Variants in ACSBG2 observed in about 807,000 individuals in gnomAD.
ACSBG2 encodes acyl-CoA synthetase bubblegum family member 2.
ACSBG2 carries 62 observed loss-of-function variants against 74.7 expected under a neutral mutation model. The ratio of observed to expected loss-of-function variants is 0.83; its 90% CI spans 0.68 to 1.03. The LOEUF (loss-of-function observed/expected upper bound fraction) is 1.03. ACSBG2 is among the 50% of genes least tolerant of loss of function. ACSBG2 has a pLI of 0.00. For synonymous variants in ACSBG2, 309 were observed against 294.1 expected (o/e 1.05, Z -0.52); for missense variants, 730 against 817.6 (o/e 0.89, Z 1.31).
At chr19:6,146,212 G>A (rs1206078614) in intron 2 of ACSBG2, among the ~76,000 whole-genome samples, 1 of 152,218 alleles carries the variant, frequency 6.6e-6, no homozygotes, top group Non-Finnish European at 1.5e-5. Context: ...GCTCATGCCT[G>A]TAATCCCGGC....
chr19:6,136,610 G>A (rs1013200189), intron 1 of ACSBG2, among the ~76,000 whole-genome samples: 2 of 152,200 alleles, frequency 1.3e-5, no homozygotes, highest in Non-Finnish European at 2.9e-5. Context: ...CGATCCACCC[G>A]ACTCAGCCTC....
At chr19:6,169,290 T>A (rs2089900831) in intron 7 of ACSBG2, among the ~76,000 whole-genome samples, 1 of 152,166 alleles carries the variant, frequency 6.6e-6, no homozygotes, top group South Asian at 2.1e-4. Flanking sequence ...TTTCTTCTAG[T>A]TTCTTCATTC....
chr19:6,179,293 A>ATTTTTTTTTTTTTTTTTTTTTTT (rs1169472742), intron 8 of ACSBG2, among the ~76,000 whole-genome samples: 1 of 118,594 alleles, frequency 8.4e-6, no homozygotes, highest in African/African-American at 3.1e-5. Flanking sequence ...TCTTTTCTAA[A>ATTTTTTTTTTTTTTTTTTTTTTT]TTTTTTTTTT....
At position 6,147,081 on chromosome 19, in the gene ACSBG2, C is replaced by T. The variant is rs1184233377; in HGVS notation, c.68-365C>T. ...GTGCCAGTGCACTCCAGCCTGCTGA[C>T]AGAGCAAGACCGTGTCTCCAGAAAA... On this transcript the variant is annotated intron_variant, in intron 2 of 14. Coordinates refer to ENST00000588485, the MANE Select transcript of ACSBG2 (RefSeq NM_030924.5). Among the ~76,000 whole-genome samples the T allele has an allele frequency of 2.0e-5, 3 of 150,324 alleles. No homozygotes were observed. In the East Asian group the frequency reaches 5.9e-4, roughly 29 times the overall value.
At chr19:6,158,753 C>T (rs1417534503) in intron 5 of ACSBG2, among the ~76,000 whole-genome samples, 1 of 152,056 alleles carries the variant, frequency 6.6e-6, no homozygotes, top group Admixed American at 6.6e-5. Flanking sequence ...TATGTTTTCT[C>T]ACATTTTATT....
intron 5 of ACSBG2, among the ~76,000 whole-genome samples, chr19:6,157,544 C>CAG (rs2089466240): frequency 6.6e-6 from 1 of 152,096 alleles, no homozygotes; most frequent in South Asian, 2.1e-4. Flanking sequence ...GCCTGGGTGA[C>CAG]AGAGAGAGAC....
chr19:6,147,379 C>T (rs2089071909), intron 2 of ACSBG2, 67 bp from the exon 3 acceptor site: 19 of 1,373,340 alleles, frequency 1.4e-5, no homozygotes, highest in South Asian at 3.6e-5. Flanking sequence ...AGACACCAAC[C>T]GCCCCCCGTC....
chr19:6,168,848 G>A lies in ACSBG2; in HGVS notation c.738+2833G>A, dbSNP rs563967993. 1.6e-4 allele frequency among the ~76,000 whole-genome samples: 24 copies of A among 151,922 alleles called. No individual in the cohort carries two copies. The East Asian group carries it at 3.1e-3, about 20-fold the overall frequency. On this transcript the variant is annotated intron_variant, in intron 7 of 14. Coordinates refer to ENST00000588485, the MANE Select transcript of ACSBG2 (RefSeq NM_030924.5). ...GGCTGGAGTACAGTGACACTATCGC[G>A]GCACACTGCAATGTCCACCTCCCAG...
rs1014760600 is a variant in ACSBG2, at chr19:6,174,356, A to G, written c.739-2873A>G. 6.6e-6 allele frequency among the ~76,000 whole-genome samples: 1 copy of G among 152,180 alleles called. No individual in the cohort carries two copies. Among genetic ancestry groups the G allele is most frequent in the Non-Finnish European group, 1.5e-5 (1 of 68,016 alleles). ...TGCTCCTTTCTGTCAGTCAAAACAAATCACTGGACCAATTCTGTCTCAAAG... is the reference window on the plus strand; with the variant it reads ...TGCTCCTTTCTGTCAGTCAAAACAAGTCACTGGACCAATTCTGTCTCAAAG... On this transcript the variant is annotated intron_variant, in intron 7 of 14. Transcript: ENST00000588485. The surrounding 1 kb of genome is among the most constrained non-coding windows in gnomAD (Gnocchi z 4.2).
chr19:6,136,153 G>A (rs1208434779), intron 1 of ACSBG2, among the ~76,000 whole-genome samples: 3 of 44,728 alleles, frequency 6.7e-5, no homozygotes, highest in African/African-American at 2.3e-4. Flanking sequence ...TTGCCCAGGC[G>A]CAATCTCGGC....
chr19:6,137,054 G>A (rs1197150789), intron 1 of ACSBG2, among the ~76,000 whole-genome samples: 1 of 152,108 alleles, frequency 6.6e-6, no homozygotes, highest in East Asian at 1.9e-4. Context: ...TAAATCCAGA[G>A]TTCTTTTCAT....
intron 7 of ACSBG2, among the ~76,000 whole-genome samples, chr19:6,172,639 C>CAACA (rs2089993456): frequency 6.6e-6 from 1 of 152,156 alleles, no homozygotes; most frequent in African/African-American, 2.4e-5. Flanking sequence ...ACATAACAGC[C>CAACA]AACACTATCT....
intron 13 of ACSBG2, among the ~76,000 whole-genome samples, chr19:6,188,764 G>C (rs533373277): frequency 1.3e-5 from 2 of 152,262 alleles, no homozygotes; most frequent in Non-Finnish European, 2.9e-5. Context: ...CTTTGGGGGT[G>C]AAGGGCTGGA....
Position 6,183,037 on chromosome 19 carries a change from AG to A in ACSBG2, c.1089del. On this transcript the variant is annotated splice_acceptor_variant, in intron 9 of 14. Transcript: ENST00000588485. LOFTEE classifies it high-confidence loss of function. The stretch of plus-strand genomic sequence containing the variant: ...TCCACTTGACGGCATTCTTATTCAC[AG>A]GAAATATAATACTCCCGTGAGCTAC... 6.2e-7 allele frequency: 1 copy of A among 1,613,986 alleles called. No homozygotes were observed. The highest frequency in any genetic ancestry group is 1.7e-5 in the Admixed American group (1 of 60,010).
chr19:6,146,799 A>T (rs1442717080), intron 2 of ACSBG2, among the ~76,000 whole-genome samples: 6 of 142,212 alleles, frequency 4.2e-5, no homozygotes, highest in East Asian at 2.0e-4. Context: ...AAATAATAAT[A>T]AAAAAAATAA....
At chr19:6,167,205 C>T (rs1216261679) in intron 7 of ACSBG2, among the ~76,000 whole-genome samples, 1 of 152,182 alleles carries the variant, frequency 6.6e-6, no homozygotes, top group Non-Finnish European at 1.5e-5. Context: ...GTTACCAGCA[C>T]ACACTGGTGT....
chr19:6,165,207 C>T lies in ACSBG2; in HGVS notation c.589-659C>T, dbSNP rs147114152. The stretch of plus-strand genomic sequence containing the variant: ...TTTTCCTTTCTCTATTTCTTGGCTC[C>T]GCTCCAGCCTTGCTTTCTCACATAG... On this transcript the variant is annotated intron_variant, in intron 6 of 14. Coordinates refer to ENST00000588485, the MANE Select transcript of ACSBG2 (RefSeq NM_030924.5). Among the ~76,000 whole-genome samples the T allele has an allele frequency of 1.6e-3, 246 of 152,310 alleles. 1 individual carries two copies. The highest frequency in any genetic ancestry group is 5.4e-3 in the African/African-American group (224 of 41,562).
intron 1 of ACSBG2, among the ~76,000 whole-genome samples, chr19:6,136,293 C>T (rs2088563599): frequency 6.6e-6 from 1 of 152,096 alleles, no homozygotes; most frequent in South Asian, 2.1e-4. Flanking sequence ...GGGGTTTCAC[C>T]ACATTAGCCA....
chr19:6,166,280 T>TGTGTGTTTGTGTGTGTGTGTGTGTG (rs2089799967), intron 7 of ACSBG2, among the ~76,000 whole-genome samples: 54 of 119,146 alleles, frequency 4.5e-4, no homozygotes, highest in African/African-American at 1.9e-3. Flanking sequence ...GTCAGGAAGG[T>TGTGTGTTTGTGTGTGTGTGTGTGTG]TGTGTGTGTG....
Sources: gnomAD v4.1 joint callset for allele counts (sites outside exome capture counted in the v4.1 genomes callset) on GRCh38, gnomAD v4.1.1 for gene constraint, Gnocchi (gnomAD v3.1) non-coding constraint, MANE v1.5 for transcripts, NCBI Gene and HGNC (gene_info 2026-07-23, HGNC 2026-07-21) for gene names.